Variants in ERBB4 observed in about 807,000 individuals in gnomAD.
ERBB4 encodes the protein receptor tyrosine-protein kinase erbB-4.
In ERBB4, 42 loss-of-function variants were observed where a neutral mutation model predicts 158.0. The observed-to-expected ratio is 0.27, with a 90% CI of 0.21 to 0.34. The LOEUF is 0.34. Ranked by LOEUF, ERBB4 falls within the 10% of genes least tolerant of loss-of-function variation. The probability of loss-of-function intolerance (pLI) is 1.00; values close to 1 mark genes in which losing one functional copy is unlikely to be tolerated. For synonymous variants in ERBB4, 583 were observed against 558.7 expected, an observed-to-expected ratio of 1.04 and a Z score of -0.61; for missense variants, 1,333 against 1,624.1, an observed-to-expected ratio of 0.82 and a Z score of 3.08.
chr2:211,405,702 C>A (rs2063132354), intron 25 of ERBB4, among the ~76,000 whole-genome samples: 1 of 152,042 alleles, frequency 6.6e-6, no homozygotes, highest in African/African-American at 2.4e-5. Flanking sequence ...TTCACTAGTT[C>A]TACATTCTAC....
chr2:212,130,068 C>T (rs530388702), intron 1 of ERBB4, among the ~76,000 whole-genome samples: 8 of 152,140 alleles, frequency 5.3e-5, no homozygotes, highest in Non-Finnish European at 7.4e-5. Flanking sequence ...TACAAGACAA[C>T]GCTTAAACCA....
chr2:212,097,035 T>C (rs2078952334), intron 2 of ERBB4, among the ~76,000 whole-genome samples: 1 of 152,332 alleles, frequency 6.6e-6, no homozygotes, highest in South Asian at 2.1e-4. Flanking sequence ...GCATTTCATT[T>C]GGACAAAGCT....
chr2:211,501,557 T>C (rs1029337785), intron 20 of ERBB4, among the ~76,000 whole-genome samples: 4 of 151,774 alleles, frequency 2.6e-5, no homozygotes, highest in Non-Finnish European at 5.9e-5. Flanking sequence ...TAGAAAACAA[T>C]AAGATATTGT....
At chr2:212,280,348 G>A (rs2085707890) in intron 1 of ERBB4, among the ~76,000 whole-genome samples, 1 of 151,530 alleles carries the variant, frequency 6.6e-6, no homozygotes, top group Admixed American at 6.6e-5. Flanking sequence ...CCTTGGGTCT[G>A]GGCATCTGAT....
At chr2:211,600,035 G>A (rs969194730) in intron 19 of ERBB4, among the ~76,000 whole-genome samples, 1 of 152,152 alleles carries the variant, frequency 6.6e-6, no homozygotes, top group Non-Finnish European at 1.5e-5. Context: ...ATCATTGATT[G>A]TCCAAAGAAT....
intron 1 of ERBB4, among the ~76,000 whole-genome samples, chr2:212,323,137 A>T (rs12694273): frequency 0.2 from 29,508 of 150,196 alleles, 5,191 homozygotes; most frequent in African/African-American, 0.43. Flanking sequence ...TATTTCCATA[A>T]CACAAAATTG....
chr2:212,100,816 G>A (rs1440114074), intron 2 of ERBB4, among the ~76,000 whole-genome samples: 1 of 152,116 alleles, frequency 6.6e-6, no homozygotes, highest in Non-Finnish European at 1.5e-5. Context: ...AAACAATTTT[G>A]GCAGCATTTA....
intron 1 of ERBB4, among the ~76,000 whole-genome samples, chr2:212,362,614 T>TA (rs935562032): frequency 7.7e-4 from 117 of 151,096 alleles, no homozygotes; most frequent in African/African-American, 2.7e-3. Flanking sequence ...GTTCTTCAAT[T>TA]AAAAAATGGT....
chr2:211,515,912 A>ATATATATATATATATATATATATATAT (rs35696520), intron 20 of ERBB4, among the ~76,000 whole-genome samples: 2 of 78,982 alleles, frequency 2.5e-5, no homozygotes, highest in African/African-American at 1.1e-4. Flanking sequence ...ATATATATAT[A>ATATATATATATATATATATATATATAT]TTTTTTTTTT....
intron 20 of ERBB4, among the ~76,000 whole-genome samples, chr2:211,490,302 T>A (rs1208887316): frequency 1.3e-5 from 1 of 76,544 alleles, no homozygotes; most frequent in East Asian, 5.0e-4. Flanking sequence ...ATGAAACTCA[T>A]TATTTCTTTC....
At chr2:212,335,006 A>C (rs1407188984) in intron 1 of ERBB4, among the ~76,000 whole-genome samples, 1 of 151,992 alleles carries the variant, frequency 6.6e-6, no homozygotes, top group Non-Finnish European at 1.5e-5. Context: ...TATTTTAAAG[A>C]AAATGCTGTC....
chr2:212,321,674 G>T (rs2087573708), intron 1 of ERBB4, among the ~76,000 whole-genome samples: 1 of 150,496 alleles, frequency 6.6e-6, no homozygotes, highest in Admixed American at 6.6e-5. Context: ...GGGCAAGAGA[G>T]CAAGATTCTT....
At chr2:212,147,860 T>C (rs2080734662) in intron 1 of ERBB4, among the ~76,000 whole-genome samples, 2 of 152,136 alleles carry the variant, frequency 1.3e-5, no homozygotes, top group Admixed American at 1.3e-4. Flanking sequence ...ATATTTGCAA[T>C]TGTGGGGAGT....
chr2:211,902,396 CAG>C (rs1331934527), intron 3 of ERBB4, among the ~76,000 whole-genome samples: 1 of 151,796 alleles, frequency 6.6e-6, no homozygotes, highest in Non-Finnish European at 1.5e-5. Flanking sequence ...TAATATATAA[CAG>C]TGGAAAAATT....
intron 1 of ERBB4, among the ~76,000 whole-genome samples, chr2:212,376,239 A>T (rs1195303831): frequency 6.6e-6 from 1 of 151,990 alleles, no homozygotes; most frequent in Non-Finnish European, 1.5e-5. Flanking sequence ...ACAGGAAATG[A>T]AACATGTATT....
At chr2:211,606,360 G>T (rs1161344543) in intron 19 of ERBB4, among the ~76,000 whole-genome samples, 1 of 151,982 alleles carries the variant, frequency 6.6e-6, no homozygotes, top group Non-Finnish European at 1.5e-5. Flanking sequence ...GATTACTAAA[G>T]AGATGTAGAT....
At chr2:211,420,035 C>T (rs771847855) in intron 25 of ERBB4, among the ~76,000 whole-genome samples, 1 of 151,948 alleles carries the variant, frequency 6.6e-6, no homozygotes, top group Non-Finnish European at 1.5e-5. Context: ...GAGATTTATA[C>T]TTGTATTACT....
Position 211,536,271 on chromosome 2 carries a change from C to A in ERBB4, c.2487+25632G>T, listed in dbSNP as rs115601836. Among the ~76,000 whole-genome samples, 1,306 of 152,160 alleles carry A rather than the reference C, an allele frequency of 8.6e-3. 17 individuals are homozygous for A. Among genetic ancestry groups the A allele is most frequent in the African/African-American group, 0.03 (1,244 of 41,536 alleles). On this transcript the variant is annotated intron_variant, in intron 20 of 27. Transcript: ENST00000342788. ...AAATGAAATTACACACCTTCCACAC[C>A]TCATTTGTTTACCATGTCTGAATCT...
intron 3 of ERBB4, among the ~76,000 whole-genome samples, chr2:211,919,252 G>A (rs574176761): frequency 4.6e-5 from 7 of 152,124 alleles, no homozygotes; most frequent in Non-Finnish European, 8.8e-5. Flanking sequence ...AGGTTTCCAA[G>A]CTCCTTCCAA....
Sources: gnomAD v4.1 joint callset for allele counts (sites outside exome capture counted in the v4.1 genomes callset) on GRCh38, gnomAD v4.1.1 for gene constraint, MANE v1.5 for transcripts, NCBI Gene and HGNC (gene_info 2026-07-23, HGNC 2026-07-21) for gene names.